Variants in NBEAL2 observed in about 807,000 individuals in gnomAD.
NBEAL2 encodes neurobeachin-like protein 2.
Under a neutral mutation model 299.8 loss-of-function variants are expected in NBEAL2, and 160 were observed. The observed-to-expected ratio is 0.53, with a 90% CI of 0.47 to 0.61. The LOEUF (loss-of-function observed/expected upper bound fraction) is 0.61. NBEAL2 is among the 20% of genes least tolerant of loss of function. The pLI is 0.00. For missense variants in NBEAL2, 3,112 were observed against 3,649.0 expected (o/e 0.85, Z 3.79); for synonymous variants, 1,493 against 1,542.3 (o/e 0.97, Z 0.75).
chr3:47,002,904 A>T, intron 33 of NBEAL2, 53 bp from the exon 34 acceptor site: 1 of 1,597,300 alleles, frequency 6.3e-7, no homozygotes, highest in South Asian at 1.1e-5. Context: ...CCAGGGAGGG[A>T]TGGGGGTGTC....
chr3:47,002,929 G>A (rs749240204), intron 33 of NBEAL2, 28 bp from the exon 34 acceptor site: 53 of 1,610,140 alleles, frequency 3.3e-5, no homozygotes, highest in Non-Finnish European at 3.6e-5. Flanking sequence ...GCCTTCTACC[G>A]ACCCATGACC....
chr3:47,009,343 G>A lies in NBEAL2; in HGVS notation c.*23G>A. 6.4e-7 allele frequency: 1 copy of A among 1,564,166 alleles called. No individual in the cohort carries two copies. Among genetic ancestry groups the A allele is most frequent in the Non-Finnish European group, 8.7e-7 (1 of 1,154,372 alleles). ...TGAACCTGGCCAGTCCGGCTGCTCG[G>A]GCCCCGCCCCCGGCAGGCCTGGCCC... On this transcript the variant is annotated 3_prime_UTR_variant, in exon 54 of 54. Transcript: ENST00000450053.
At position 47,008,973 on chromosome 3, in the gene NBEAL2, C is replaced by T; in HGVS notation, c.8028-16C>T. The T allele has an allele frequency of 6.3e-7, 1 of 1,598,654 alleles. No homozygotes were observed. Among genetic ancestry groups the T allele is most frequent in the Non-Finnish European group, 8.5e-7 (1 of 1,179,820 alleles). On this transcript the variant is annotated splice_polypyrimidine_tract_variant and intron_variant, in intron 52 of 53. Coordinates refer to ENST00000450053, the MANE Select transcript of NBEAL2 (RefSeq NM_015175.3). ...CTTGCAGTCGCAAGTTGGTGTATAT[C>T]CCCTCTCCCTTCCAGACTGCTCCCG... is the stretch of plus-strand genomic sequence containing the variant.
chr3:46,995,691 A>C (rs771345771), intron 13 of NBEAL2, 23 bp from the exon 14 acceptor site: 3 of 1,612,196 alleles, frequency 1.9e-6, no homozygotes, highest in South Asian at 2.2e-5. Context: ...ACAAGCAGAC[A>C]TAACTGGCTT....
intron 26 of NBEAL2, 38 bp downstream of exon 26, chr3:46,999,753 G>C (rs372973324): frequency 5.2e-4 from 834 of 1,600,168 alleles, no homozygotes; most frequent in Non-Finnish European, 6.7e-4. Context: ...GGAGGGGGAG[G>C]GTGGCTTCTA....
rs1249261257 is a variant in NBEAL2, at chr3:47,008,179, G to A, written c.7712G>A (p.Gly2571Glu). 1 of 1,613,960 alleles carries A rather than the reference G, an allele frequency of 6.2e-7. No individual in the cohort carries two copies. The highest frequency in any genetic ancestry group is 2.2e-5 in the East Asian group (1 of 44,886). Residue 2571 changes from glycine (G) to glutamate (E), a missense_variant, in exon 50 of 54, where the codon GGA becomes GAA. Coordinates refer to ENST00000450053, the MANE Select transcript of NBEAL2 (RefSeq NM_015175.3). ...ACTGAACTTGACATGGCTGTGTCTG[G>A]ATCTGAGGTGTGTGTATGCATGTGC... ...ISTELDMAVS[G>E]SEDGTVIIHT...
Position 46,999,429 on chromosome 3 carries a change from T to TC in NBEAL2, c.3664dup (p.Gln1222ProfsTer32). 6.3e-7 allele frequency: 1 copy of TC among 1,587,356 alleles called. No homozygotes were observed. ...TGCCTGCTTGCCTGAGGGGACTGTTTCCCCCCAGCTCTGCCAGGGCCTCTA... is the reference window on the plus strand; with the variant it reads ...TGCCTGCTTGCCTGAGGGGACTGTTTCCCCCCCAGCTCTGCCAGGGCCTCTA... On this transcript the variant is annotated frameshift_variant, in exon 25 of 54. Transcript: ENST00000450053. LOFTEE classifies it high-confidence loss of function.
rs73831458 is a variant in NBEAL2 at position 46,985,016 on chromosome 3, C to T, written c.52-3653C>T. ...GAGAGTTAGAACGGGGACTGGACTC[C>T]GGAACCCATGCCCTCACCTGATTCG... On this transcript the variant is annotated intron_variant, in intron 1 of 53. Coordinates refer to ENST00000450053, the MANE Select transcript of NBEAL2 (RefSeq NM_015175.3). Among the ~76,000 whole-genome samples, 379 of 152,308 alleles carry T rather than the reference C, an allele frequency of 2.5e-3. 3 individuals are homozygous for T. Among genetic ancestry groups the T allele is most frequent in the South Asian group, 0.011 (53 of 4,828 alleles).
intron 43 of NBEAL2, 26 bp from the exon 44 acceptor site, chr3:47,006,139 C>T (rs373525223): frequency 1.4e-4 from 224 of 1,613,400 alleles, no homozygotes; most frequent in Non-Finnish European, 1.9e-4. Context: ...CGCAGGGAGC[C>T]CTGACTGCTC....
chr3:47,002,778 G>C lies in NBEAL2; in HGVS notation c.5435G>C (p.Ser1812Thr). 1 of 1,448,748 alleles carries C rather than the reference G, an allele frequency of 6.9e-7. No individual in the cohort carries two copies. The highest frequency in any genetic ancestry group is 9.2e-7 in the Non-Finnish European group (1 of 1,089,598). The allele number at this position is 1,448,748 out of a possible 1,614,324, so 89.7% of individuals were successfully genotyped here. ...HWGALWRQLA[S>T]PCGAWALRDT... The stretch of plus-strand genomic sequence containing the variant: ...GGGGCGCTGTGGCGCCAGCTCGCCA[G>C]CCCATGTGGGGCCTGGGCGCTGAGG... The change falls in exon 33 of 54, where the codon AGC becomes ACC. Residue 1812 changes from serine (S) to threonine (T), a missense_variant. Coordinates refer to ENST00000450053, the MANE Select transcript of NBEAL2 (RefSeq NM_015175.3).
At chr3:46,999,787 G>A in intron 26 of NBEAL2, 72 bp downstream of exon 26, 2 of 1,592,158 alleles carry the variant, frequency 1.3e-6, no homozygotes. Flanking sequence ...CACCTTGCCT[G>A]TCTCATGAGG....
Position 47,003,331 on chromosome 3 carries a change from T to C in NBEAL2, c.5720+22T>C, listed in dbSNP as rs1421913733. The C allele has an allele frequency of 1.4e-5, 22 of 1,606,774 alleles. No individual in the cohort carries two copies. The highest frequency in any genetic ancestry group is 1.4e-4 in the Admixed American group (8 of 59,240). ...CCCCGTGAGTGGGGCCCTGGAGAGA[T>C]TGGACTGGTGTGGTGGGCAAGGGGT... On this transcript the variant is annotated intron_variant, in intron 35 of 53. Transcript: ENST00000450053. This position sits in a 1 kb window ranked among gnomAD's most constrained non-coding sequence, Gnocchi z 7.0.
rs759433271 is a variant in NBEAL2 at position 46,995,042 on chromosome 3, G to T, written c.1307G>T (p.Gly436Val). 1.4e-5 allele frequency: 22 copies of T among 1,545,634 alleles called. No individual in the cohort carries two copies. In the East Asian group the frequency reaches 5.1e-4, roughly 36 times the overall value. Residue 436 changes from glycine (G) to valine (V), a missense_variant, in exon 13 of 54, where the codon GGT becomes GTT. Around this residue, in one of 3 missense-constraint regions of NBEAL2, gnomAD observed 2,243 missense variants for 2,538.1 expected, o/e 0.88. Transcript: ENST00000450053. Reference protein sequence around the residue: ...LQELLNMAVEGDHSMCPPPPI... With the variant: ...LQELLNMAVEVDHSMCPPPPI... ...TCTCTCCACCCACAGGCTGTGGAGG[G>T]TGACCACAGCATGTGCCCACCTCCA...
chr3:47,007,048 C>T lies in NBEAL2; in HGVS notation c.7135-18C>T, dbSNP rs367934927. 5.3e-5 allele frequency: 85 copies of T among 1,599,258 alleles called. No individual in the cohort carries two copies. The highest frequency in any genetic ancestry group is 4.9e-4 in the East Asian group (22 of 44,772). On this transcript the variant is annotated intron_variant, in intron 45 of 53. Transcript: ENST00000450053. ...TGATAGTACTCAGGCATAGCTAGGCCTGCCCTTGCCCCTGCAGGTTGTCAG... is the reference window on the plus strand; with the variant it reads ...TGATAGTACTCAGGCATAGCTAGGCTTGCCCTTGCCCCTGCAGGTTGTCAG...
Position 46,996,532 on chromosome 3 carries a change from G to A in NBEAL2, c.2413G>A (p.Ala805Thr), listed in dbSNP as rs1296376196. The A allele has an allele frequency of 1.9e-6, 3 of 1,550,360 alleles. No individual in the cohort carries two copies. ...SPTSLEGELG[A>T]VAIFHEALQA... ...CACATCCCTGGAGGGTGAGCTGGGG[G>A]CTGTGGCCATCTTTCACGAAGCCCT... The change falls in exon 16 of 54, where the codon GCT becomes ACT. Residue 805 changes from alanine to threonine, a missense_variant. Ala to Thr is a moderately conservative substitution (Grantham distance 58). Coordinates refer to ENST00000450053, the MANE Select transcript of NBEAL2 (RefSeq NM_015175.3).
rs192739433 is a variant in NBEAL2 at position 47,002,824 on chromosome 3, G to A, written c.5459+22G>A. ...TGAGGTGGGCCGGGCTTGGGGCAGGGTCGCTGTGGAGGGGTGGGGCTTGGG... is the reference window on the plus strand; with the variant it reads ...TGAGGTGGGCCGGGCTTGGGGCAGGATCGCTGTGGAGGGGTGGGGCTTGGG... On this transcript the variant is annotated intron_variant, in intron 33 of 53. Coordinates refer to ENST00000450053, the MANE Select transcript of NBEAL2 (RefSeq NM_015175.3). The A allele has an allele frequency of 4.4e-5, 68 of 1,550,926 alleles. 1 individual carries two copies. In the African/African-American group the frequency reaches 8.4e-4, roughly 19 times the overall value.
chr3:46,984,966 G>A (rs984838248), intron 1 of NBEAL2, among the ~76,000 whole-genome samples: 13 of 152,186 alleles, frequency 8.5e-5, no homozygotes, highest in African/African-American at 3.1e-4. Context: ...GTTTTAAAGA[G>A]GTTAATGTTA....
chr3:46,986,424 G>A (rs1391601039), intron 1 of NBEAL2, among the ~76,000 whole-genome samples: 1 of 152,212 alleles, frequency 6.6e-6, no homozygotes, highest in Non-Finnish European at 1.5e-5. Flanking sequence ...GCCTGGATAG[G>A]AGGATGTGAA....
rs2035397564 is a variant in NBEAL2, at chr3:46,982,262, C to T, written c.51+2350C>T. Among the ~76,000 whole-genome samples, 1 of 152,058 alleles carries T rather than the reference C, an allele frequency of 6.6e-6. No homozygotes were observed. Among genetic ancestry groups the T allele is most frequent in the African/African-American group, 2.4e-5 (1 of 41,392 alleles). ...AGCTGAAAGTGGGTGTTTAGAGACC[C>T]TTTAGTTGGCCAGCCACCCAGCCAG... is the stretch of plus-strand genomic sequence containing the variant. On this transcript the variant is annotated intron_variant, in intron 1 of 53. Coordinates refer to ENST00000450053, the MANE Select transcript of NBEAL2 (RefSeq NM_015175.3). The surrounding 1 kb of genome is among the most constrained non-coding windows in gnomAD (Gnocchi z 4.2).
Sources: gnomAD v4.1 joint callset for allele counts (sites outside exome capture counted in the v4.1 genomes callset) on GRCh38, gnomAD v4.1.1 for gene constraint, gnomAD v4.1.1 regional missense constraint, Gnocchi (gnomAD v3.1) non-coding constraint, MANE v1.5 for transcripts, NCBI Gene and HGNC (gene_info 2026-07-23, HGNC 2026-07-21) for gene names.